CCDC171: variants seen among roughly 807,000 people sequenced by gnomAD.
The protein encoded by CCDC171 is coiled-coil domain containing 171, also known as coiled-coil domain-containing protein 171.
CCDC171 carries 177 observed loss-of-function variants against 168.2 expected under a neutral mutation model. That is an observed-to-expected ratio of 1.05 (90% CI 0.93 to 1.19). The LOEUF (loss-of-function observed/expected upper bound fraction) is 1.19, where lower values mean the gene tolerates loss of function less well. CCDC171 is among the 50% of genes most tolerant of loss of function. CCDC171 has a pLI of 0.00. For synonymous variants in CCDC171, 687 were observed against 540.8 expected, an observed-to-expected ratio of 1.27 and a Z score of -3.75; for missense variants, 1,991 against 1,539.0, an observed-to-expected ratio of 1.29 and a Z score of -4.91.
At chr9:15,990,906 G>C (rs1270551793) in intron 3 of CCDC171, among the ~76,000 whole-genome samples, 2 of 152,082 alleles carry the variant, frequency 1.3e-5, no homozygotes, top group Non-Finnish European at 2.9e-5. Flanking sequence ...CCCAATACAG[G>C]AGCACCCAGA....
intron 18 of CCDC171, among the ~76,000 whole-genome samples, chr9:15,749,999 C>T (rs1298902841): frequency 6.9e-6 from 1 of 144,814 alleles, no homozygotes; most frequent in Non-Finnish European, 1.5e-5. Flanking sequence ...GATAGAGACA[C>T]AAAAAAACCC....
chr9:16,057,936 A>G (rs1402568492), intron 1 of CCDC171, among the ~76,000 whole-genome samples: 1 of 152,156 alleles, frequency 6.6e-6, no homozygotes, highest in East Asian at 1.9e-4. Flanking sequence ...CAGCAGTGCA[A>G]ATGAAGCAGA....
At chr9:15,753,696 C>G (rs1490464363) in intron 18 of CCDC171, among the ~76,000 whole-genome samples, 1 of 152,060 alleles carries the variant, frequency 6.6e-6, no homozygotes. Context: ...CTGGCTGTGC[C>G]TCTTACAGCT....
chr9:15,569,958 G>T (rs1425500148), intron 2 of CCDC171, among the ~76,000 whole-genome samples: 7 of 147,890 alleles, frequency 4.7e-5, no homozygotes, highest in African/African-American at 1.8e-4. Flanking sequence ...TTGTGTTTTT[G>T]ATTACTTTTC....
chr9:15,657,597 A>C (rs2048033459), intron 8 of CCDC171, among the ~76,000 whole-genome samples: 1 of 152,168 alleles, frequency 6.6e-6, no homozygotes, highest in Non-Finnish European at 1.5e-5. Flanking sequence ...CGTTGAAAAA[A>C]TGTGCATGTT....
intron 7 of CCDC171, among the ~76,000 whole-genome samples, chr9:15,647,605 A>C (rs1039770397): frequency 1.3e-5 from 2 of 152,214 alleles, no homozygotes; most frequent in Non-Finnish European, 2.9e-5. Flanking sequence ...ACCATCAGAG[A>C]ATACTATAAA....
At chr9:16,098,276 G>C in the CCDC171 span, among the ~76,000 whole-genome samples, 1 of 152,268 alleles carries the variant, frequency 6.6e-6, no homozygotes, top group Admixed American at 6.5e-5. Flanking sequence ...ATTCAAGCAT[G>C]AACATGTGCT....
At chr9:16,008,773 A>G (rs1221942089) in intron 3 of CCDC171, among the ~76,000 whole-genome samples, 1 of 152,234 alleles carries the variant, frequency 6.6e-6, no homozygotes, top group Non-Finnish European at 1.5e-5. Flanking sequence ...TGAGGTAAGC[A>G]GAATGGAATT....
intron 24 of CCDC171, among the ~76,000 whole-genome samples, chr9:15,887,569 TA>T (rs1194971283): frequency 2.6e-5 from 4 of 152,144 alleles, no homozygotes; most frequent in Non-Finnish European, 2.9e-5. Flanking sequence ...AGGCCAGAAG[TA>T]GTTTGGAGGT....
In CCDC171 at chr9:15,724,113, G is replaced by T. The variant is rs552263463; in HGVS notation, c.1491+367G>T. 6.6e-5 allele frequency among the ~76,000 whole-genome samples: 10 copies of T among 152,302 alleles called. No individual in the cohort carries two copies. The South Asian group carries it at 1.9e-3, about 28-fold the overall frequency. Reference sequence around the variant, plus strand: ...TCAGTTTTCATCATTTTAAGGTGGAGCCATTGTTTTCAGTACATCATGTCT... The same window carrying T: ...TCAGTTTTCATCATTTTAAGGTGGATCCATTGTTTTCAGTACATCATGTCT... On this transcript the variant is annotated intron_variant, in intron 13 of 25. Coordinates refer to ENST00000380701, the MANE Select transcript of CCDC171 (RefSeq NM_173550.4).
At position 15,949,514 on chromosome 9, in the gene CCDC171, C is replaced by G. The variant is rs561651154; in HGVS notation, c.3754-22095C>G. Among the ~76,000 whole-genome samples the G allele has an allele frequency of 1.9e-3, 284 of 152,108 alleles. 2 individuals carry two copies. The highest frequency in any genetic ancestry group is 6.1e-3 in the African/African-American group (252 of 41,514). On this transcript the variant is annotated intron_variant, in intron 25 of 25. Coordinates refer to ENST00000380701, the MANE Select transcript of CCDC171 (RefSeq NM_173550.4). ...TTATTTCATTGAGCAGTGGTTTGTA[C>G]TTCTCCTTGAAGAGGTCCTTCACAT...
chr9:15,651,340 C>A (rs2047506670), intron 7 of CCDC171, among the ~76,000 whole-genome samples: 1 of 151,900 alleles, frequency 6.6e-6, no homozygotes, highest in African/African-American at 2.4e-5. Context: ...AACTCCTGAC[C>A]TCAGGTGATC....
intron 18 of CCDC171, among the ~76,000 whole-genome samples, chr9:15,758,601 A>G (rs542686322): frequency 5.3e-5 from 8 of 152,280 alleles, no homozygotes; most frequent in African/African-American, 1.9e-4. Context: ...ATGTGAGGAC[A>G]TGAGATGTGG....
At chr9:15,553,472 C>T (rs972290371) in intron 1 of CCDC171, 170 bp downstream of exon 1, 1 of 152,396 alleles carries the variant, frequency 6.6e-6, no homozygotes, top group Non-Finnish European at 1.5e-5. Context: ...GGAGGAAGAT[C>T]TCCGTGGAGC....
chr9:15,819,289 C>T lies in CCDC171; in HGVS notation c.3268-27413C>T, dbSNP rs554064684. Among the ~76,000 whole-genome samples the T allele has an allele frequency of 3.2e-4, 37 of 117,340 alleles. 11 individuals carry two copies. Among genetic ancestry groups the T allele is most frequent in the Middle Eastern group, 4.5e-3 (1 of 222 alleles). 77.0% of individuals were successfully genotyped at this position (117,340 alleles called of 152,430 possible). A position where few individuals can be genotyped will look rare whatever the true frequency, so the allele number is the denominator to read the frequency against. On this transcript the variant is annotated intron_variant, in intron 21 of 25. Coordinates refer to ENST00000380701, the MANE Select transcript of CCDC171 (RefSeq NM_173550.4). ...GCTAGGAAGAAACTGCATCAACTAA[C>T]GAGCAAAATAACCAGCTAACATCAT...
intron 16 of CCDC171, 55 bp downstream of exon 16, chr9:15,729,853 G>T: frequency 6.8e-7 from 1 of 1,463,450 alleles, no homozygotes; most frequent in Non-Finnish European, 9.3e-7. Context: ...GTAACCATTA[G>T]AAACTTTTTT....
chr9:15,845,588 T>C (rs895353820), intron 21 of CCDC171: 3 of 152,056 alleles, frequency 2.0e-5, no homozygotes, highest in Non-Finnish European at 4.4e-5. Flanking sequence ...AGAATACTGT[T>C]AGAAGAGTTT....
At chr9:15,851,332 A>G (rs2061118625) in intron 23 of CCDC171, among the ~76,000 whole-genome samples, 1 of 151,816 alleles carries the variant, frequency 6.6e-6, no homozygotes, top group South Asian at 2.1e-4. Context: ...GTTTTTTTTC[A>G]AAGAAATGTA....
At chr9:15,580,977 G>A (rs745558294) in intron 4 of CCDC171, among the ~76,000 whole-genome samples, 15 of 152,194 alleles carry the variant, frequency 9.9e-5, no homozygotes, top group Non-Finnish European at 2.1e-4. Context: ...AAAAGGAAAA[G>A]AGGAAGTCAC....
Sources: allele counts gnomAD v4.1 joint callset (sites outside exome capture counted in the v4.1 genomes callset), GRCh38; gene constraint gnomAD v4.1.1; transcripts MANE v1.5; gene names NCBI Gene and HGNC (gene_info 2026-07-23, HGNC 2026-07-21).